The following WDFY4 variants were observed in gnomAD, a reference collection of about 807,000 sequenced individuals.
WDFY4 encodes the protein WDFY family member 4.
WDFY4 carries 169 observed loss-of-function variants against 351.9 expected under a neutral mutation model. That is an observed-to-expected ratio of 0.48 (90% CI 0.42 to 0.55). WDFY4 has a LOEUF of 0.55. Ranked by LOEUF, WDFY4 falls within the 20% of genes least tolerant of loss-of-function variation. WDFY4 has a pLI of 0.00. For synonymous variants in WDFY4, 1,622 were observed against 1,574.6 expected (o/e 1.03, Z -0.71); for missense variants, 3,803 against 3,935.6 (o/e 0.97, Z 0.90).
chr10:48,874,222 C>T (rs2069904520), intron 41 of WDFY4, among the ~76,000 whole-genome samples: 1 of 152,238 alleles, frequency 6.6e-6, no homozygotes, highest in African/African-American at 2.4e-5. Flanking sequence ...ACTTCCCAAG[C>T]AACAGAATCT....
intron 40 of WDFY4, among the ~76,000 whole-genome samples, chr10:48,872,743 G>C (rs2069832370): frequency 6.6e-6 from 1 of 152,176 alleles, no homozygotes; most frequent in Admixed American, 6.5e-5. Flanking sequence ...AGAAAAGTTT[G>C]AGTCATACTG....
chr10:48,811,664 T>G lies in WDFY4; in HGVS notation c.5170T>G (p.Phe1724Val). The G allele has an allele frequency of 1.3e-6, 2 of 1,551,828 alleles. No individual in the cohort carries two copies. Among genetic ancestry groups the G allele is most frequent in the Non-Finnish European group, 1.7e-6 (2 of 1,147,026 alleles). ...AGAGGTCTACCTCATCGTCTCCACC[T>G]TCTTCCTGCAGACACCACTCACAGA... ...IPEVYLIVSTFFLQTPLTELM... is the reference protein window; with the variant it reads ...IPEVYLIVSTVFLQTPLTELM... The change falls in exon 30 of 62, where the codon TTC becomes GTC. Residue 1724 changes from phenylalanine (F) to valine (V), a missense_variant. Physicochemically the swap from Phe to Val is conservative, Grantham distance 50 (BLOSUM62 -1). Around this residue, in one of 3 missense-constraint regions of WDFY4, gnomAD observed 3,054 missense variants for 3,148.6 expected, o/e 0.97. Transcript: ENST00000325239.
chr10:48,801,814 C>T (rs906546520), intron 24 of WDFY4, among the ~76,000 whole-genome samples: 1 of 152,190 alleles, frequency 6.6e-6, no homozygotes, highest in Non-Finnish European at 1.5e-5. Flanking sequence ...TCCCGATAAA[C>T]TTGTGTTCAC....
At chr10:48,817,532 G>A (rs1046192749) in intron 32 of WDFY4, 123 bp downstream of exon 32, 27 of 1,248,280 alleles carry the variant, frequency 2.2e-5, no homozygotes, top group African/African-American at 1.1e-4. Flanking sequence ...CAACTTGAGC[G>A]GAACATTGAA....
intron 44 of WDFY4, among the ~76,000 whole-genome samples, chr10:48,896,323 GACCT>G (rs1457489409): frequency 2.0e-5 from 3 of 152,204 alleles, no homozygotes; most frequent in Admixed American, 6.5e-5. Flanking sequence ...GATGTGGTTT[GACCT>G]AAGCCAAGGG....
At position 48,813,864 on chromosome 10, in the gene WDFY4, G is replaced by A. The variant is rs536727702; in HGVS notation, c.5215-93G>A. 2.6e-5 allele frequency: 35 copies of A among 1,359,014 alleles called. No individual in the cohort carries two copies. The South Asian group carries it at 6.1e-4, about 24-fold the overall frequency. 84.2% of individuals were successfully genotyped at this position (1,359,014 alleles called of 1,614,324 possible). On this transcript the variant is annotated intron_variant, in intron 30 of 61. Transcript: ENST00000325239. ...AGTGTGCTCTTTTGCTTTTCCCACT[G>A]GGAACCCCTGGAAACATGATGAACT...
intron 12 of WDFY4, among the ~76,000 whole-genome samples, chr10:48,754,810 C>T (rs2065285966): frequency 1.3e-5 from 2 of 152,124 alleles, no homozygotes; most frequent in Admixed American, 1.3e-4. Flanking sequence ...AGAAACACTC[C>T]TGAGCACCTT....
chr10:48,790,014 A>G (rs114896581), intron 22 of WDFY4, 29 bp downstream of exon 22: 3 of 1,547,922 alleles, frequency 1.9e-6, no homozygotes, highest in Non-Finnish European at 1.7e-6. Flanking sequence ...CTTTGCCGCT[A>G]TTTGGGAAGC....
At chr10:48,869,437 A>G (rs2069676115) in intron 40 of WDFY4, among the ~76,000 whole-genome samples, 2 of 152,354 alleles carry the variant, frequency 1.3e-5, no homozygotes, top group South Asian at 4.1e-4. Context: ...AGCCCCCAGC[A>G]TAAGAAGGCA....
chr10:48,727,800 A>G (rs2064319570), intron 7 of WDFY4, 141 bp downstream of exon 7: 2 of 1,101,760 alleles, frequency 1.8e-6, no homozygotes, highest in African/African-American at 1.6e-5. Context: ...AAAGTGATTC[A>G]TTGTGCAGAC....
chr10:48,880,557 G>A (rs966919094), intron 43 of WDFY4, among the ~76,000 whole-genome samples: 2 of 152,248 alleles, frequency 1.3e-5, no homozygotes, highest in African/African-American at 4.8e-5. Context: ...GCAGACAGGA[G>A]CATGTGGAAC....
rs936079377 is a variant in WDFY4, at chr10:48,873,841, C to T, written c.6948+144C>T. 9 of 882,132 alleles carry T rather than the reference C, an allele frequency of 1.0e-5. No individual in the cohort carries two copies. The African/African-American group carries it at 1.5e-4, about 15-fold the overall frequency. The allele number at this position is 882,132 out of a possible 1,614,324, so 54.6% of individuals were successfully genotyped here. A position where few individuals can be genotyped will look rare whatever the true frequency, so the allele number is the denominator to read the frequency against. ...ATGTAGGAGAGTCCCAAAATTTATTCTCAATGCCATTTAAGAGGAGAAAAG... is the reference window on the plus strand; with the variant it reads ...ATGTAGGAGAGTCCCAAAATTTATTTTCAATGCCATTTAAGAGGAGAAAAG... On this transcript the variant is annotated intron_variant, in intron 41 of 61. Coordinates refer to ENST00000325239, the MANE Select transcript of WDFY4 (RefSeq NM_001394531.1).
At chr10:48,796,583 G>A (rs147913175) in intron 24 of WDFY4, 133 bp downstream of exon 24, 92 of 1,282,260 alleles carry the variant, frequency 7.2e-5, no homozygotes, top group African/African-American at 9.0e-5. Context: ...AAAACCAAAC[G>A]AGCCTGCCCA....
chr10:48,919,882 T>C (rs1465982661), intron 47 of WDFY4, among the ~76,000 whole-genome samples: 3 of 152,060 alleles, frequency 2.0e-5, no homozygotes, highest in Admixed American at 6.6e-5. Flanking sequence ...AAAAATAGAA[T>C]AGAGAGTGAT....
At position 48,901,478 on chromosome 10, in the gene WDFY4, G is replaced by A. The variant is rs191050479; in HGVS notation, c.7524-323G>A. 9.8e-4 allele frequency among the ~76,000 whole-genome samples: 150 copies of A among 152,354 alleles called. 1 individual carries two copies. Among genetic ancestry groups the A allele is most frequent in the Non-Finnish European group, 1.9e-3 (126 of 68,034 alleles). On this transcript the variant is annotated intron_variant, in intron 46 of 61. Coordinates refer to ENST00000325239, the MANE Select transcript of WDFY4 (RefSeq NM_001394531.1). ...AGATGGCATTTGTCCTCACAGCAAC[G>A]CACTGGAATGTACAGCAGGATTGTT...
At position 48,811,607 on chromosome 10, in the gene WDFY4, A is replaced by G; in HGVS notation, c.5113A>G (p.Asn1705Asp). ...PCLLPGFRVL[N>D]DFLAHHVHIP... ...CCTGCTTCCTGGGTTCCGTGTCTTG[A>G]ATGACTTTCTGGCCCACCACGTCCA... Residue 1705 changes from asparagine to aspartate, a missense_variant, in exon 30 of 62, where the codon AAT becomes GAT. Coordinates refer to ENST00000325239, the MANE Select transcript of WDFY4 (RefSeq NM_001394531.1). 6.4e-7 allele frequency: 1 copy of G among 1,552,104 alleles called. No homozygotes were observed. The highest frequency in any genetic ancestry group is 8.7e-7 in the Non-Finnish European group (1 of 1,147,088).
intron 2 of WDFY4, among the ~76,000 whole-genome samples, chr10:48,715,066 C>G (rs1473142065): frequency 6.6e-6 from 1 of 152,362 alleles, no homozygotes. Flanking sequence ...TAAGGAAGCC[C>G]AAGTAGTTCT....
intron 47 of WDFY4, chr10:48,910,213 CTT>C: frequency 7.5e-7 from 1 of 1,325,002 alleles, no homozygotes; most frequent in East Asian, 2.8e-5. Flanking sequence ...GCTGAGTAGT[CTT>C]CAAGATTTTG....
chr10:48,834,741 C>T lies in WDFY4; in HGVS notation c.6663+2032C>T, dbSNP rs141464315. Among the ~76,000 whole-genome samples, 653 of 152,344 alleles carry T rather than the reference C, an allele frequency of 4.3e-3. 5 individuals carry two copies. The highest frequency in any genetic ancestry group is 0.015 in the African/African-American group (620 of 41,574). ...AGGGAAGGAATGTTAGGGTGCTGGG[C>T]ATGGGCATTCATCTCATGGGAACCC... is the stretch of plus-strand genomic sequence containing the variant. On this transcript the variant is annotated intron_variant, in intron 39 of 61. Coordinates refer to ENST00000325239, the MANE Select transcript of WDFY4 (RefSeq NM_001394531.1).
Sources: gnomAD v4.1 joint callset for allele counts (sites outside exome capture counted in the v4.1 genomes callset) on GRCh38, gnomAD v4.1.1 for gene constraint, gnomAD v4.1.1 regional missense constraint, MANE v1.5 for transcripts, NCBI Gene and HGNC (gene_info 2026-07-23, HGNC 2026-07-21) for gene names.